SLC12A3: variants seen among roughly 807,000 people sequenced by gnomAD.
The protein encoded by SLC12A3 is Na-Cl cotransporter.
In SLC12A3, 104 loss-of-function variants were observed where a neutral mutation model predicts 121.0. That is an observed-to-expected ratio of 0.86 (90% CI 0.73 to 1.01). The LOEUF is 1.01. SLC12A3 is among the 50% of genes least tolerant of loss of function. The pLI is 0.00. For synonymous variants in SLC12A3, 536 were observed against 533.4 expected, an observed-to-expected ratio of 1.00 and a Z score of -0.07; for missense variants, 1,328 against 1,356.3, an observed-to-expected ratio of 0.98 and a Z score of 0.33.
chr16:56,885,341 G>A lies in SLC12A3; in HGVS notation c.1902G>A (p.Val634=), dbSNP rs1195933000. The A allele has an allele frequency of 1.3e-6, 2 of 1,554,378 alleles. No individual in the cohort carries two copies. Among genetic ancestry groups the A allele is most frequent in the African/African-American group, 1.4e-5 (1 of 73,180 alleles). The part of the protein sequence containing the change: ...ALSYSVGLNE[V]EDHIKNYRPQ... Reference sequence around the variant, plus strand: ...GCTACTCGGTGGGCCTCAATGAGGTGGAAGACCACATCAAGAACTACCGGT... The same window carrying A: ...GCTACTCGGTGGGCCTCAATGAGGTAGAAGACCACATCAAGAACTACCGGT... The change falls in exon 15 of 26, where the codon GTG becomes GTA. Residue 634 remains valine, a synonymous_variant. Coordinates refer to ENST00000563236, the MANE Select transcript of SLC12A3 (RefSeq NM_001126108.2).
intron 9 of SLC12A3, 116 bp from the exon 10 acceptor site, chr16:56,878,957 A>G: frequency 8.0e-7 from 1 of 1,257,150 alleles, no homozygotes; most frequent in Non-Finnish European, 1.1e-6. Flanking sequence ...TCATTGCATA[A>G]TGAAGGGACA....
At chr16:56,877,839 C>T (rs1398422908) in intron 8 of SLC12A3, among the ~76,000 whole-genome samples, 3 of 152,222 alleles carry the variant, frequency 2.0e-5, no homozygotes, top group Non-Finnish European at 4.4e-5. Context: ...GGTGGAGTCT[C>T]CGACCCGTGA....
chr16:56,869,745 C>T lies in SLC12A3; in HGVS notation c.522C>T (p.Ile174=), dbSNP rs2144688394. The change falls in exon 4 of 26, where the codon ATC becomes ATT. Residue 174 remains isoleucine (I), a synonymous_variant. Coordinates refer to ENST00000563236, the MANE Select transcript of SLC12A3 (RefSeq NM_001126108.2). ...AQAGIVLTWI[I]ILLSVTVTSI... ...CCCCTGCAGTCCTGACCTGGATCATCATCCTGCTGTCGGTCACGGTGACCT... is the reference window on the plus strand; with the variant it reads ...CCCCTGCAGTCCTGACCTGGATCATTATCCTGCTGTCGGTCACGGTGACCT... 6.2e-7 allele frequency: 1 copy of T among 1,614,170 alleles called. No individual in the cohort carries two copies. Among genetic ancestry groups the T allele is most frequent in the South Asian group, 1.1e-5 (1 of 91,074 alleles).
intron 22 of SLC12A3, among the ~76,000 whole-genome samples, chr16:56,895,192 ATTTTTT>A (rs34438029): frequency 2.1e-4 from 27 of 126,682 alleles, no homozygotes; most frequent in Non-Finnish European, 3.2e-5. Flanking sequence ...ATATATTTTA[ATTTTTT>A]TTTTTTTTTT....
intron 18 of SLC12A3, among the ~76,000 whole-genome samples, chr16:56,889,373 G>C (rs1303332283): frequency 6.6e-6 from 1 of 152,248 alleles, no homozygotes. Context: ...GCAGTGCGCA[G>C]CCCATTGGCC....
Position 56,902,528 on chromosome 16 carries a change from T to C in SLC12A3, c.2856+20T>C. On this transcript the variant is annotated intron_variant, in intron 24 of 25. Coordinates refer to ENST00000563236, the MANE Select transcript of SLC12A3 (RefSeq NM_001126108.2). ...GTCAAGGTGCAGAGAGGGGTGGGGG[T>C]GGGAAACGCGACACATCACTGGGTC... is the stretch of plus-strand genomic sequence containing the variant. 29 of 628,186 alleles carry C rather than the reference T, an allele frequency of 4.6e-5. No individual in the cohort carries two copies. Among genetic ancestry groups the C allele is most frequent in the Non-Finnish European group, 7.2e-5 (27 of 372,636 alleles). 38.9% of individuals were successfully genotyped at this position (628,186 alleles called of 1,614,324 possible).
intron 1 of SLC12A3, 85 bp from the exon 2 acceptor site, chr16:56,866,985 G>A: frequency 5.8e-6 from 9 of 1,563,472 alleles, no homozygotes; most frequent in Non-Finnish European, 7.8e-6. Context: ...GGTATGGGGC[G>A]CAGTGGTGCA....
Position 56,879,124 on chromosome 16 carries a change from CT to C in SLC12A3, c.1233del (p.Gly412AlafsTer36). 1 of 1,613,812 alleles carries C rather than the reference CT, an allele frequency of 6.2e-7. No individual in the cohort carries two copies. The highest frequency in any genetic ancestry group is 1.1e-5 in the South Asian group (1 of 91,030). ...ASGVLNDTVT[P>X]GWGACEGLAC... ...GGGGTCCTGAATGACACAGTGACCC[CT>C]GGCTGGGGTGCCTGCGAGGGGCTGG... is the stretch of plus-strand genomic sequence containing the variant. On this transcript the variant is annotated frameshift_variant, in exon 10 of 26. Coordinates refer to ENST00000563236, the MANE Select transcript of SLC12A3 (RefSeq NM_001126108.2). LOFTEE classifies it high-confidence loss of function.
intron 8 of SLC12A3, among the ~76,000 whole-genome samples, chr16:56,877,744 C>A (rs4784735): frequency 0.78 from 119,087 of 152,198 alleles, 47,716 homozygotes; most frequent in East Asian, 1. Flanking sequence ...ACCACCCTCA[C>A]AGCAAACCCT....
At chr16:56,887,798 A>ATATATTTTT (rs1433682477) in intron 17 of SLC12A3, 127 bp from the exon 18 acceptor site, 3 of 68,456 alleles carry the variant, frequency 4.4e-5, no homozygotes, top group African/African-American at 1.7e-4. Flanking sequence ...ATATATATAT[A>ATATATTTTT]TTTTTTTTTT....
In SLC12A3 at chr16:56,890,377, C is replaced by T. The variant is rs778835521; in HGVS notation, c.2368+21C>T. On this transcript the variant is annotated intron_variant, in intron 19 of 25. Transcript: ENST00000563236. ...GCACAGTGAGTACATGCCCCACCCA[C>T]TCCCAGAAAGTTCTAGAACACATTT... 1.9e-6 allele frequency: 3 copies of T among 1,606,066 alleles called. No individual in the cohort carries two copies. The South Asian group carries it at 3.3e-5, about 18-fold the overall frequency.
rs778279920 is a variant in SLC12A3 at position 56,868,329 on chromosome 16, C to A, written c.462C>A (p.Ile154=). Residue 154 remains isoleucine (I), a synonymous_variant, in exon 3 of 26, where the codon ATC becomes ATA. Coordinates refer to ENST00000563236, the MANE Select transcript of SLC12A3 (RefSeq NM_001126108.2). The part of the protein sequence containing the change: ...IRCMLNIWGV[I]LYLRLPWITA... ...GCATGCTCAACATTTGGGGCGTGAT[C>A]CTCTACCTGCGGCTGCCCTGGATTA... 25 of 1,613,902 alleles carry A rather than the reference C, an allele frequency of 1.5e-5. No homozygotes were observed. The highest frequency in any genetic ancestry group is 1.9e-5 in the Non-Finnish European group (23 of 1,180,000).
intron 8 of SLC12A3, among the ~76,000 whole-genome samples, chr16:56,875,968 C>T (rs2144703042): frequency 6.6e-6 from 1 of 151,826 alleles, no homozygotes; most frequent in East Asian, 2.0e-4. Flanking sequence ...GTGTTTTCAC[C>T]ACAAATTGGG....
chr16:56,866,943 C>A, intron 1 of SLC12A3, 127 bp from the exon 2 acceptor site: 1 of 1,272,314 alleles, frequency 7.9e-7, no homozygotes, highest in Non-Finnish European at 1.1e-6. Context: ...AGCAGCTCAA[C>A]ACCCAGTGGG....
intron 24 of SLC12A3, 61 bp downstream of exon 24, chr16:56,902,569 G>C: frequency 2.5e-6 from 4 of 1,600,298 alleles, no homozygotes; most frequent in Non-Finnish European, 3.4e-6. Flanking sequence ...CGGGTGTCCT[G>C]CATGTCTTGA....
In SLC12A3 at chr16:56,913,330, G is replaced by A. The variant is rs754434130; in HGVS notation, c.2991G>A (p.Leu997=). The A allele has an allele frequency of 6.2e-7, 1 of 1,614,186 alleles. No individual in the cohort carries two copies. Among genetic ancestry groups the A allele is most frequent in the Admixed American group, 1.7e-5 (1 of 60,020 alleles). The change falls in exon 26 of 26, where the codon CTG becomes CTA. Residue 997 remains leucine (L), a synonymous_variant. Transcript: ENST00000563236. ...TGTACATGGCCTGGCTGGAGACCCT[G>A]TCCCAGGACCTCAGACCTCCAGTCA... is the stretch of plus-strand genomic sequence containing the variant. ...SSLYMAWLET[L]SQDLRPPVIL... is the part of the protein sequence containing the mutation.
In SLC12A3 at chr16:56,880,229, A is replaced by G. The variant is rs554432544; in HGVS notation, c.1543A>G (p.Ile515Val). Residue 515 changes from isoleucine to valine, a missense_variant, in exon 12 of 26, where the codon ATC becomes GTC. Ile to Val is a conservative substitution (Grantham distance 29). Coordinates refer to ENST00000563236, the MANE Select transcript of SLC12A3 (RefSeq NM_001126108.2). ...GCGTGGCTACCTGCTGGCCTACGCCATCGCTGTGGCCTTCATCATCATCGG... is the reference window on the plus strand; with the variant it reads ...GCGTGGCTACCTGCTGGCCTACGCCGTCGCTGTGGCCTTCATCATCATCGG... ...PVRGYLLAYA[I>V]AVAFIIIAEL... The G allele has an allele frequency of 5.5e-4, 868 of 1,585,580 alleles. 12 individuals are homozygous for G. The South Asian group carries it at 9.2e-3, about 17-fold the overall frequency.
intron 22 of SLC12A3, among the ~76,000 whole-genome samples, chr16:56,897,792 G>A (rs7187932): frequency 0.25 from 38,216 of 152,016 alleles, 5,327 homozygotes; most frequent in African/African-American, 0.39. Context: ...TTGGTGGGCC[G>A]CATCCTCTGC....
In SLC12A3 at chr16:56,903,430, C is replaced by A. The variant is rs2055565754; in HGVS notation, c.2856+922C>A. Among the ~76,000 whole-genome samples, 2 of 152,214 alleles carry A rather than the reference C, an allele frequency of 1.3e-5. 1 individual carries two copies. Among genetic ancestry groups the A allele is most frequent in the Admixed American group, 1.3e-4 (2 of 15,276 alleles). On this transcript the variant is annotated intron_variant, in intron 24 of 25. Coordinates refer to ENST00000563236, the MANE Select transcript of SLC12A3 (RefSeq NM_001126108.2). Reference sequence around the variant, plus strand: ...CATTCTCCACCACGAGGGAGCTTACCCCCTGGGGGACATTTGGCAACCTCT... The same window carrying A: ...CATTCTCCACCACGAGGGAGCTTACACCCTGGGGGACATTTGGCAACCTCT...
Sources: gnomAD v4.1 joint callset for allele counts (sites outside exome capture counted in the v4.1 genomes callset) on GRCh38, gnomAD v4.1.1 for gene constraint, MANE v1.5 for transcripts, NCBI Gene and HGNC (gene_info 2026-07-23, HGNC 2026-07-21) for gene names.